Variants in TTC28 observed in about 807,000 individuals in gnomAD.
TTC28 encodes the protein tetratricopeptide repeat domain 28, also known as tetratricopeptide repeat protein 28.
TTC28 carries 61 observed loss-of-function variants against 198.0 expected under a neutral mutation model. The ratio of observed to expected loss-of-function variants is 0.31; its 90% confidence interval spans 0.25 to 0.38. The LOEUF (loss-of-function observed/expected upper bound fraction) is 0.38. TTC28 is among the 10% of genes least tolerant of loss of function. The pLI is 1.00. For missense variants in TTC28, 2,678 were observed against 3,164.0 expected (o/e 0.85, Z 3.69); for synonymous variants, 1,171 against 1,297.8 (o/e 0.90, Z 2.10).
At chr22:28,448,702 A>C (rs1207844950) in intron 2 of TTC28, among the ~76,000 whole-genome samples, 3 of 152,174 alleles carry the variant, frequency 2.0e-5, no homozygotes, top group African/African-American at 7.2e-5. Context: ...AGAAATTAAA[A>C]TAACTTGTTG....
chr22:28,152,115 T>C (rs995837235), intron 6 of TTC28, among the ~76,000 whole-genome samples: 10 of 152,212 alleles, frequency 6.6e-5, no homozygotes, highest in African/African-American at 2.2e-4. Flanking sequence ...GCCAACCACA[T>C]AGCTTTGTAA....
chr22:28,105,926 C>T, intron 7 of TTC28, 124 bp from the exon 8 acceptor site: 3 of 1,194,950 alleles, frequency 2.5e-6, no homozygotes, highest in Non-Finnish European at 3.4e-6. Flanking sequence ...AACTCCTCTT[C>T]TAGCTAAAAT....
chr22:28,036,706 T>A (rs896967372), intron 12 of TTC28, among the ~76,000 whole-genome samples: 1 of 152,118 alleles, frequency 6.6e-6, no homozygotes, highest in Non-Finnish European at 1.5e-5. Flanking sequence ...TAAAAAACCC[T>A]TTAAAAAATC....
At chr22:28,476,579 C>T (rs1040648463) in intron 2 of TTC28, among the ~76,000 whole-genome samples, 1 of 152,042 alleles carries the variant, frequency 6.6e-6, no homozygotes, top group African/African-American at 2.4e-5. Flanking sequence ...CAAGATATGA[C>T]GGTTCCTAGT....
intron 5 of TTC28, among the ~76,000 whole-genome samples, chr22:28,236,246 T>G (rs1268002434): frequency 6.6e-6 from 1 of 152,230 alleles, no homozygotes; most frequent in Non-Finnish European, 1.5e-5. Flanking sequence ...TGGTGACTTT[T>G]GCATTGATCC....
chr22:28,320,722 AAG>A (rs2045432627), intron 2 of TTC28, among the ~76,000 whole-genome samples: 1 of 152,184 alleles, frequency 6.6e-6, no homozygotes, highest in Non-Finnish European at 1.5e-5. Context: ...AAGTCAATCT[AAG>A]AGAGAGAAAC....
intron 8 of TTC28, 32 bp from the exon 9 acceptor site, chr22:28,101,312 T>C (rs762294391): frequency 2.2e-5 from 33 of 1,500,690 alleles, no homozygotes; most frequent in Non-Finnish European, 2.8e-5. Flanking sequence ...TAAGGAAACA[T>C]AGAAGATGGA....
At chr22:28,265,405 C>A (rs1931618603) in intron 5 of TTC28, among the ~76,000 whole-genome samples, 1 of 152,128 alleles carries the variant, frequency 6.6e-6, no homozygotes, top group South Asian at 2.1e-4. Flanking sequence ...AGGTAGGTAC[C>A]AGACCACCAA....
intron 2 of TTC28, among the ~76,000 whole-genome samples, chr22:28,448,369 A>G (rs1423424617): frequency 6.6e-6 from 1 of 152,228 alleles, no homozygotes; most frequent in Non-Finnish European, 1.5e-5. Context: ...CTAAGGAATG[A>G]TGTATCTGAC....
chr22:28,063,876 T>C (rs981623582), intron 12 of TTC28, among the ~76,000 whole-genome samples: 5 of 152,118 alleles, frequency 3.3e-5, no homozygotes, highest in Non-Finnish European at 4.4e-5. Context: ...GTAGCACAGC[T>C]GCAGGGCGGC....
intron 5 of TTC28, among the ~76,000 whole-genome samples, chr22:28,238,083 T>G (rs534725464): frequency 1.1e-4 from 17 of 152,192 alleles, no homozygotes; most frequent in Non-Finnish European, 2.2e-4. Context: ...AGTTGTGACT[T>G]ACTTTATGTT....
chr22:28,301,791 T>C (rs1021799948), intron 3 of TTC28, among the ~76,000 whole-genome samples: 4 of 152,184 alleles, frequency 2.6e-5, no homozygotes, highest in African/African-American at 7.2e-5. Context: ...CTCACACCTG[T>C]AATCCCAGCA....
intron 6 of TTC28, among the ~76,000 whole-genome samples, chr22:28,111,136 T>G (rs1054086170): frequency 1.3e-5 from 2 of 151,842 alleles, no homozygotes; most frequent in Non-Finnish European, 2.9e-5. Context: ...AGAATTGTAG[T>G]TTTTTTTGTC....
chr22:28,484,102 GGTTT>G (rs767482335), intron 2 of TTC28, among the ~76,000 whole-genome samples: 25 of 151,810 alleles, frequency 1.6e-4, no homozygotes, highest in Non-Finnish European at 2.2e-4. Flanking sequence ...TTATTTTGGG[GGTTT>G]GTTTATTTTG....
At chr22:28,343,453 C>T (rs1251698194) in intron 2 of TTC28, among the ~76,000 whole-genome samples, 1 of 151,628 alleles carries the variant, frequency 6.6e-6, no homozygotes, top group Admixed American at 6.6e-5. Context: ...TCACTTGAAC[C>T]CGGGAGGTGG....
chr22:28,516,259 G>A lies in TTC28; in HGVS notation c.381+113293C>T, dbSNP rs2048784688. 2.6e-5 allele frequency among the ~76,000 whole-genome samples: 4 copies of A among 151,968 alleles called. No individual in the cohort carries two copies. The South Asian group carries it at 8.3e-4, about 32-fold the overall frequency. Reference sequence around the variant, plus strand: ...AATATGGTAATGCTATGAATTTTCTGAGGCATGAGATTATCTACTAGACAT... The same window carrying A: ...AATATGGTAATGCTATGAATTTTCTAAGGCATGAGATTATCTACTAGACAT... On this transcript the variant is annotated intron_variant, in intron 2 of 22. Transcript: ENST00000397906.
chr22:28,020,707 A>G (rs546185057), intron 13 of TTC28, among the ~76,000 whole-genome samples: 1 of 152,268 alleles, frequency 6.6e-6, no homozygotes, highest in South Asian at 2.1e-4. Flanking sequence ...CTGGCTTCCC[A>G]TCCACACTCA....
intron 5 of TTC28, among the ~76,000 whole-genome samples, chr22:28,194,208 GA>G (rs1925167987): frequency 6.6e-6 from 1 of 152,132 alleles, no homozygotes; most frequent in Non-Finnish European, 1.5e-5. Flanking sequence ...AATGAAGACA[GA>G]AATAAAGATG....
chr22:28,235,539 A>G (rs1929176899), intron 5 of TTC28, among the ~76,000 whole-genome samples: 1 of 152,240 alleles, frequency 6.6e-6, no homozygotes, highest in South Asian at 2.1e-4. Flanking sequence ...CAGATAAGAA[A>G]ACATTTTATA....
Sources: allele counts gnomAD v4.1 joint callset (sites outside exome capture counted in the v4.1 genomes callset), GRCh38; gene constraint gnomAD v4.1.1; transcripts MANE v1.5; gene names NCBI Gene and HGNC (gene_info 2026-07-23, HGNC 2026-07-21).